SYNE1: variants seen among roughly 807,000 people sequenced by gnomAD.
The protein encoded by SYNE1 is nesprin-1.
SYNE1 carries 616 observed loss-of-function variants against 1,111.0 expected under a neutral mutation model. That is an observed-to-expected ratio of 0.55 (90% CI 0.52 to 0.59). The LOEUF (loss-of-function observed/expected upper bound fraction) is 0.59, where lower values mean the gene tolerates loss of function less well. Ranked by LOEUF, SYNE1 falls within the 20% of genes least tolerant of loss-of-function variation. The pLI is 0.00. For synonymous variants in SYNE1, 3,855 were observed against 3,825.8 expected, an observed-to-expected ratio of 1.01 and a Z score of -0.28; for missense variants, 10,006 against 10,417.0, an observed-to-expected ratio of 0.96 and a Z score of 1.72.
At chr6:152,631,672 T>C (rs2099698176) in intron 2 of SYNE1, among the ~76,000 whole-genome samples, 1 of 152,114 alleles carries the variant, frequency 6.6e-6, no homozygotes, top group Non-Finnish European at 1.5e-5. Context: ...GAATCAAATA[T>C]AACACAGCTT....
In SYNE1 at chr6:152,308,632, C is replaced by T. The variant is rs1300019000; in HGVS notation, c.17203G>A (p.Glu5735Lys). The T allele has an allele frequency of 6.4e-7, 1 of 1,553,828 alleles. No homozygotes were observed. The highest frequency in any genetic ancestry group is 1.5e-5 in the African/African-American group (1 of 66,680). The change falls in exon 91 of 146, where the codon GAA becomes AAA. Residue 5735 changes from glutamate (E) to lysine (K), a missense_variant and splice_region_variant. Glu to Lys is a moderately conservative substitution (Grantham distance 56, BLOSUM62 1). This residue lies in a region of SYNE1 where 4,955 missense variants were observed against 5,017.2 expected (regional missense o/e 0.99). Transcript: ENST00000367255. ...TAIQQCNIMQEAVVQYEQYEQ... is the reference protein window; with the variant it reads ...TAIQQCNIMQKAVVQYEQYEQ... ...TATTGTTCATATTGTACCACAGCTT[C>T]CTTTGAAAAAAAAAAAAAACAGAAA...
chr6:152,269,284 T>C lies in SYNE1; in HGVS notation c.18576A>G (p.Gly6192=), dbSNP rs1267116175. 1.2e-6 allele frequency: 2 copies of C among 1,614,126 alleles called. No homozygotes were observed. The highest frequency in any genetic ancestry group is 3.3e-5 in the Admixed American group (2 of 60,020). The change falls in exon 99 of 146, where the codon GGA becomes GGG. Residue 6192 remains glycine, a splice_region_variant and synonymous_variant. Transcript: ENST00000367255. ...CGCTCTCCTCCTTCTCCTGTGCTGT[T>C]CCCTGCTTTTAACGAGGCAGAAATC... ...ALHDKQLNMQ[G]TAQEKEESDV... is the part of the protein sequence containing the mutation.
intron 3 of SYNE1, among the ~76,000 whole-genome samples, chr6:152,560,285 A>C (rs2099390917): frequency 6.6e-6 from 1 of 152,048 alleles, no homozygotes; most frequent in South Asian, 2.1e-4. Context: ...AGAATCGCTT[A>C]AACCTGGGAG....
chr6:152,511,424 T>G (rs2099084378), intron 6 of SYNE1: 13 of 696,312 alleles, frequency 1.9e-5, no homozygotes, highest in South Asian at 3.8e-5. Context: ...TATTTATATT[T>G]AGAGGTTGAC....
chr6:152,125,456 A>T (rs2053066721), intron 145 of SYNE1: 1 of 1,372,822 alleles, frequency 7.3e-7, no homozygotes. Flanking sequence ...CAAGTAAATT[A>T]GTCTCTCTGG....
chr6:152,360,895 TCAGA>T (rs1281137357), intron 64 of SYNE1, among the ~76,000 whole-genome samples: 5 of 152,168 alleles, frequency 3.3e-5, no homozygotes. Context: ...GTGTTCTGTG[TCAGA>T]CAGAGAGCCA....
Position 152,286,270 on chromosome 6 carries a change from C to T in SYNE1, c.18013-2098G>A, listed in dbSNP as rs10214730. ...TGGAATATTTCCAGGATTCTATAAG[C>T]TCTTTTGACCTCCTCCTTCTTGCTA... On this transcript the variant is annotated intron_variant, in intron 95 of 145. Coordinates refer to ENST00000367255, the MANE Select transcript of SYNE1 (RefSeq NM_182961.4). Among the ~76,000 whole-genome samples, 1,290 of 152,244 alleles carry T rather than the reference C, an allele frequency of 8.5e-3. 10 individuals carry two copies. The highest frequency in any genetic ancestry group is 0.014 in the Non-Finnish European group (942 of 68,012).
chr6:152,537,708 A>G (rs551881495), intron 4 of SYNE1, among the ~76,000 whole-genome samples: 1 of 152,322 alleles, frequency 6.6e-6, no homozygotes, highest in Non-Finnish European at 1.5e-5. Context: ...CAATCGTGTC[A>G]TCTGCAAACA....
chr6:152,584,526 C>T (rs559447364), intron 3 of SYNE1, among the ~76,000 whole-genome samples: 2 of 152,198 alleles, frequency 1.3e-5, no homozygotes, highest in African/African-American at 2.4e-5. Context: ...TCACTGGGAC[C>T]ACAGTAGCTG....
rs777644355 is a variant in SYNE1, at chr6:152,321,313, A to G, written c.16161T>C (p.Gly5387=). The G allele has an allele frequency of 1.2e-6, 2 of 1,613,890 alleles. No individual in the cohort carries two copies. Among genetic ancestry groups the G allele is most frequent in the Non-Finnish European group, 1.7e-6 (2 of 1,179,908 alleles). The change falls in exon 84 of 146, where the codon GGT becomes GGC. Residue 5387 remains glycine, a synonymous_variant. Transcript: ENST00000367255. The part of the protein sequence containing the change: ...MAEEQKEKYL[G]LYTILPSELS... ...GTTCAGAAGGTAATATGGTATAAAG[A>G]CCTAAGTACTTCTCCTTCTGTTCTT...
At chr6:152,510,044 CTCAAT>C (rs1175489016) in intron 8 of SYNE1, 144 bp downstream of exon 8, 7 of 832,180 alleles carry the variant, frequency 8.4e-6, no homozygotes, top group Admixed American at 3.9e-5. Flanking sequence ...GTGTTTATAT[CTCAAT>C]TCAAGGCAAG....
intron 4 of SYNE1, among the ~76,000 whole-genome samples, chr6:152,536,154 T>C (rs573933347): frequency 6.6e-6 from 1 of 151,348 alleles, no homozygotes; most frequent in African/African-American, 2.4e-5. Flanking sequence ...ATTTCTTCTC[T>C]CATTCTGCCT....
At chr6:152,633,445 C>T (rs1326073274) in intron 2 of SYNE1, among the ~76,000 whole-genome samples, 1 of 152,240 alleles carries the variant, frequency 6.6e-6, no homozygotes, top group Admixed American at 6.5e-5. Flanking sequence ...GCTTATGTGC[C>T]GGTAGAGGAA....
intron 9 of SYNE1, among the ~76,000 whole-genome samples, chr6:152,504,974 T>C (rs1384421655): frequency 6.6e-6 from 1 of 152,192 alleles, no homozygotes; most frequent in African/African-American, 2.4e-5. Context: ...CCGACTGACA[T>C]ACCAATGCCA....
intron 127 of SYNE1, among the ~76,000 whole-genome samples, chr6:152,197,054 A>G (rs1241431360): frequency 6.6e-6 from 1 of 152,168 alleles, no homozygotes; most frequent in South Asian, 2.1e-4. Context: ...CTGAGCTCCA[A>G]TGCAATGCAG....
At chr6:152,425,229 G>C (rs1176414067) in intron 39 of SYNE1, 152 bp downstream of exon 39, 2 of 803,058 alleles carry the variant, frequency 2.5e-6, no homozygotes, top group East Asian at 2.7e-5. Flanking sequence ...TGTGGACCTT[G>C]ATTTTCAAAA....
Position 152,236,128 on chromosome 6 carries a change from G to T in SYNE1, c.20375C>A (p.Thr6792Lys), listed in dbSNP as rs1357536098. 6.2e-7 allele frequency: 1 copy of T among 1,614,082 alleles called. No individual in the cohort carries two copies. The highest frequency in any genetic ancestry group is 8.5e-7 in the Non-Finnish European group (1 of 1,179,996). The change falls in exon 110 of 146, where the codon ACA becomes AAA. Residue 6792 changes from threonine (T) to lysine (K), a missense_variant. Physicochemically the swap from Thr to Lys is moderately conservative, Grantham distance 78. This residue lies in a region of SYNE1 where 2,182 missense variants were observed against 2,287.8 expected (regional missense o/e 0.95). Coordinates refer to ENST00000367255, the MANE Select transcript of SYNE1 (RefSeq NM_182961.4). The stretch of plus-strand genomic sequence containing the variant: ...TTACCTGGTCCAGTGTTTCAATATT[G>T]TTTCCAGTCTGTGAAGTTCCTTAGA... ...KMSKELHRLE[T>K]ILKHWTRYQS...
At chr6:152,302,957 T>C (rs2095249623) in intron 91 of SYNE1, among the ~76,000 whole-genome samples, 2 of 152,080 alleles carry the variant, frequency 1.3e-5, no homozygotes, top group South Asian at 4.1e-4. Flanking sequence ...TTTAGGAGTA[T>C]GGTAATTCTA....
intron 127 of SYNE1, 151 bp downstream of exon 127, chr6:152,201,673 C>G: frequency 9.5e-7 from 1 of 1,053,316 alleles, no homozygotes; most frequent in Non-Finnish European, 1.4e-6. Context: ...ATCAGCCATA[C>G]AAGTTTCACC....
Sources: allele counts gnomAD v4.1 joint callset (sites outside exome capture counted in the v4.1 genomes callset), GRCh38; gene constraint gnomAD v4.1.1; regional missense constraint gnomAD v4.1.1; transcripts MANE v1.5; gene names NCBI Gene and HGNC (gene_info 2026-07-23, HGNC 2026-07-21).